GNS: variants seen among roughly 807,000 people sequenced by gnomAD.
The protein encoded by GNS is N-acetylglucosamine-6-sulfatase.
A neutral mutation model predicts 69.7 loss-of-function variants in GNS; 40 were observed. The ratio of observed to expected loss-of-function variants is 0.57; its 90% confidence interval spans 0.45 to 0.75. GNS has a LOEUF of 0.75. Among genes scored for constraint, GNS ranks in the 30% least tolerant of loss-of-function variants. The pLI is 0.00. For missense variants in GNS, 565 were observed against 685.5 expected, an observed-to-expected ratio of 0.82 and a Z score of 1.96; for synonymous variants, 243 against 251.6, an observed-to-expected ratio of 0.97 and a Z score of 0.32.
rs1429111979 is a variant in GNS at position 64,720,013 on chromosome 12, G to A, written c.1580+9C>T. 7 of 1,608,726 alleles carry A rather than the reference G, an allele frequency of 4.4e-6. No homozygotes were observed. Among genetic ancestry groups the A allele is most frequent in the East Asian group, 2.2e-5 (1 of 44,852 alleles). On this transcript the variant is annotated intron_variant, in intron 13 of 13. Coordinates refer to ENST00000258145, the MANE Select transcript of GNS (RefSeq NM_002076.4). ...CTTGGCCAAGTAAATGAAGAGAAAG[G>A]AAACTTACCCGGGGTCAAAAACCCC...
At chr12:64,750,134 C>T (rs1302658372) in intron 2 of GNS, among the ~76,000 whole-genome samples, 3 of 152,096 alleles carry the variant, frequency 2.0e-5, no homozygotes, top group African/African-American at 7.2e-5. Flanking sequence ...GCAACCTCTA[C>T]CTCCTGGGTT....
At position 64,716,663 on chromosome 12, in the gene GNS, T is replaced by TAGCTACAG; in HGVS notation, c.*70_*77dup. 1.0e-6 allele frequency: 1 copy of TAGCTACAG among 978,750 alleles called. No homozygotes were observed. The highest frequency in any genetic ancestry group is 1.6e-6 in the Non-Finnish European group (1 of 606,490). The allele number at this position is 978,750 out of a possible 1,614,324, so 60.6% of individuals were successfully genotyped here. A position where few individuals can be genotyped will look rare whatever the true frequency, so the allele number is the denominator to read the frequency against. ...CTCTTCCAGGTGTGGTCTTGAAGAC[T>TAGCTACAG]AGCTACAGACACCTACTACAATCAC... On this transcript the variant is annotated 3_prime_UTR_variant, in exon 14 of 14. Transcript: ENST00000258145.
At chr12:64,735,325 T>G (rs191062125) in intron 9 of GNS, among the ~76,000 whole-genome samples, 1 of 152,296 alleles carries the variant, frequency 6.6e-6, no homozygotes, top group East Asian at 1.9e-4. Flanking sequence ...AGCAAACAAC[T>G]TCTCTGCTTC....
chr12:64,736,975 T>TCC (rs1869574459), intron 9 of GNS, 29 bp downstream of exon 9: 1 of 1,098,686 alleles, frequency 9.1e-7, no homozygotes, highest in South Asian at 1.2e-5. Context: ...TGCCTACCTG[T>TCC]CCACAGCACC....
At chr12:64,720,833 C>T (rs545949923) in intron 12 of GNS, among the ~76,000 whole-genome samples, 6 of 152,162 alleles carry the variant, frequency 3.9e-5, no homozygotes, top group Non-Finnish European at 8.8e-5. Context: ...GGTAATTTTG[C>T]CTATAATGGC....
In GNS at chr12:64,744,885, T is replaced by A; in HGVS notation, c.548A>T (p.Asn183Ile). 6.7e-7 allele frequency: 1 copy of A among 1,501,762 alleles called. No homozygotes were observed. The highest frequency in any genetic ancestry group is 9.3e-7 in the Non-Finnish European group (1 of 1,077,482). 93.0% of individuals were successfully genotyped at this position (1,501,762 alleles called of 1,614,324 possible). A position where few individuals can be genotyped will look rare whatever the true frequency, so the allele number is the denominator to read the frequency against. Reference protein sequence around the residue: ...YALEKNSKYYNYTLSINGKAR... With the variant: ...YALEKNSKYYIYTLSINGKAR... ...CTTCCCATTGATAGACAGGGTGTAA[T>A]TATAATACTTAGAATTCTTTTCCTA... is the stretch of plus-strand genomic sequence containing the variant. Residue 183 changes from asparagine to isoleucine, a missense_variant, in exon 5 of 14, where the codon AAT becomes ATT. Around this residue, in one of 2 missense-constraint regions of GNS, gnomAD observed 384 missense variants for 511.0 expected, o/e 0.75. Coordinates refer to ENST00000258145, the MANE Select transcript of GNS (RefSeq NM_002076.4).
chr12:64,728,518 TCA>T (rs1294131041), intron 10 of GNS, among the ~76,000 whole-genome samples: 3 of 152,246 alleles, frequency 2.0e-5, no homozygotes, highest in South Asian at 4.1e-4. Context: ...CTTTGCCAGT[TCA>T]CAGAGAGAGG....
At chr12:64,758,621 C>T (rs1870354472) in intron 1 of GNS, among the ~76,000 whole-genome samples, 1 of 152,070 alleles carries the variant, frequency 6.6e-6, no homozygotes, top group Non-Finnish European at 1.5e-5. Flanking sequence ...CCGCGCCCGG[C>T]CCAGGCTTAT....
intron 13 of GNS, among the ~76,000 whole-genome samples, chr12:64,719,439 A>G (rs561580074): frequency 1.3e-5 from 2 of 152,352 alleles, no homozygotes; most frequent in South Asian, 2.1e-4. Flanking sequence ...GTTACTGCTG[A>G]AAAGTTACTA....
At chr12:64,753,091 G>A (rs1047106903) in intron 1 of GNS, 1 of 310,772 alleles carries the variant, frequency 3.2e-6, no homozygotes, top group African/African-American at 2.2e-5. Context: ...AGTAGGATGT[G>A]GGAAATGATA....
rs771806213 is a variant in GNS at position 64,728,944 on chromosome 12, C to T, written c.1200+12G>A. The T allele has an allele frequency of 1.5e-5, 19 of 1,253,996 alleles. No individual in the cohort carries two copies. Among genetic ancestry groups the T allele is most frequent in the South Asian group, 7.1e-5 (6 of 83,984 alleles). 77.7% of individuals were successfully genotyped at this position (1,253,996 alleles called of 1,614,324 possible). A position where few individuals can be genotyped will look rare whatever the true frequency, so the allele number is the denominator to read the frequency against. ...GTCTTGGCTCAGGCCTGATTGAGGG[C>T]GCTATACTTACCAAAATGGGCAATA... On this transcript the variant is annotated intron_variant, in intron 10 of 13. Transcript: ENST00000258145.
rs772353329 is a variant in GNS at position 64,720,230 on chromosome 12, G to A, written c.1420-48C>T. 3.6e-5 allele frequency: 45 copies of A among 1,262,274 alleles called. No homozygotes were observed. The Admixed American group carries it at 3.7e-4, about 10-fold the overall frequency. 78.2% of individuals were successfully genotyped at this position (1,262,274 alleles called of 1,614,324 possible). ...GGAAAGAAAAGAGCAAAGGTTAGCC[G>A]TGAAGAAATACTCTTAACGTGACTT... On this transcript the variant is annotated intron_variant, in intron 12 of 13. Transcript: ENST00000258145.
At chr12:64,740,130 T>G (rs146372481) in intron 7 of GNS, among the ~76,000 whole-genome samples, 1 of 152,216 alleles carries the variant, frequency 6.6e-6, no homozygotes, top group South Asian at 2.1e-4. Flanking sequence ...TCTGCCCCTT[T>G]ACAGAAAAAG....
intron 1 of GNS, among the ~76,000 whole-genome samples, chr12:64,755,353 G>A (rs941397646): frequency 3.3e-5 from 5 of 151,976 alleles, no homozygotes; most frequent in African/African-American, 9.7e-5. Context: ...TGAAGTGGGC[G>A]GATCACTTGA....
At chr12:64,733,252 T>C (rs765198394) in intron 9 of GNS, among the ~76,000 whole-genome samples, 2 of 135,502 alleles carry the variant, frequency 1.5e-5, no homozygotes, top group Non-Finnish European at 3.0e-5. Context: ...GAGCCAAGAT[T>C]GTGCCACCAC....
At position 64,744,799 on chromosome 12, in the gene GNS, T is replaced by G; in HGVS notation, c.624+10A>C. 1 of 1,323,260 alleles carries G rather than the reference T, an allele frequency of 7.6e-7. No individual in the cohort carries two copies. The highest frequency in any genetic ancestry group is 1.1e-6 in the Non-Finnish European group (1 of 913,990). The allele number at this position is 1,323,260 out of a possible 1,614,324, so 82.0% of individuals were successfully genotyped here. On this transcript the variant is annotated intron_variant, in intron 5 of 13. Coordinates refer to ENST00000258145, the MANE Select transcript of GNS (RefSeq NM_002076.4). Reference sequence around the variant, plus strand: ...TGTAAGGACAGAGCTACAAAGCTTCTGCAACTCACCAAAACATCTGTCAGG... The same window carrying G: ...TGTAAGGACAGAGCTACAAAGCTTCGGCAACTCACCAAAACATCTGTCAGG...
At chr12:64,737,580 A>C (rs1869594932) in intron 8 of GNS, among the ~76,000 whole-genome samples, 1 of 152,240 alleles carries the variant, frequency 6.6e-6, no homozygotes. Flanking sequence ...CAGGATTACA[A>C]AATCAATATT....
chr12:64,757,773 T>C (rs1870304638), intron 1 of GNS, among the ~76,000 whole-genome samples: 1 of 152,154 alleles, frequency 6.6e-6, no homozygotes, highest in South Asian at 2.1e-4. Flanking sequence ...AAATAAAAAA[T>C]GTTGGTAGTT....
At chr12:64,742,165 T>C (rs759939792) in intron 6 of GNS, among the ~76,000 whole-genome samples, 33 of 152,162 alleles carry the variant, frequency 2.2e-4, no homozygotes, top group Middle Eastern at 3.4e-3. Flanking sequence ...GGAGTACAGG[T>C]GTCCACCACC....
Sources: gnomAD v4.1 joint callset for allele counts (sites outside exome capture counted in the v4.1 genomes callset) on GRCh38, gnomAD v4.1.1 for gene constraint, gnomAD v4.1.1 regional missense constraint, MANE v1.5 for transcripts, NCBI Gene and HGNC (gene_info 2026-07-23, HGNC 2026-07-21) for gene names.